The following OCA2 variants were observed in gnomAD, a reference collection of about 807,000 sequenced individuals.
OCA2 encodes the protein P protein.
OCA2 carries 77 observed loss-of-function variants against 100.2 expected under a neutral mutation model. That is an observed-to-expected ratio of 0.77 (90% CI 0.64 to 0.93). The LOEUF is 0.93. OCA2 is among the 40% of genes least tolerant of loss of function. OCA2 has a pLI of 0.00. For synonymous variants in OCA2, 432 were observed against 439.2 expected (o/e 0.98, Z 0.21); for missense variants, 1,062 against 1,089.1 (o/e 0.98, Z 0.35).
chr15:27,827,607 A>T (rs937715880), intron 23 of OCA2, among the ~76,000 whole-genome samples: 18 of 152,096 alleles, frequency 1.2e-4, no homozygotes, highest in African/African-American at 4.1e-4. Flanking sequence ...AACCATCATG[A>T]TGCTGTGGGT....
downstream of OCA2, among the ~76,000 whole-genome samples, chr15:27,754,175 C>T (rs1000156331): frequency 3.3e-5 from 5 of 152,176 alleles, no homozygotes; most frequent in Non-Finnish European, 7.3e-5. Context: ...TACGGTTGCA[C>T]GTCAGCTTTG....
chr15:28,090,223 G>T (rs2044848604), intron 1 of OCA2, among the ~76,000 whole-genome samples: 1 of 152,036 alleles, frequency 6.6e-6, no homozygotes. Context: ...AGAACTAAAA[G>T]GAGAAAGACA....
intron 23 of OCA2, among the ~76,000 whole-genome samples, chr15:27,758,559 A>T (rs1477387614): frequency 6.6e-6 from 1 of 152,264 alleles, no homozygotes; most frequent in Admixed American, 6.5e-5. Flanking sequence ...ATTTCAAAGC[A>T]GCTACCATAA....
chr15:28,043,415 T>C lies in OCA2; in HGVS notation c.228-11252A>G, dbSNP rs2043261036. 6.6e-6 allele frequency among the ~76,000 whole-genome samples: 1 copy of C among 152,142 alleles called. No individual in the cohort carries two copies. Among genetic ancestry groups the C allele is most frequent in the Admixed American group, 6.5e-5 (1 of 15,276 alleles). ...AGCTTGCTGTGAAGCTGGTGATCGC[T>C]CAATAAATCTCCAAAAATCACAATA... On this transcript the variant is annotated intron_variant, in intron 2 of 23. Coordinates refer to ENST00000354638, the MANE Select transcript of OCA2 (RefSeq NM_000275.3). This position sits in a 1 kb window ranked among gnomAD's most constrained non-coding sequence, Gnocchi z 4.4.
intron 9 of OCA2, among the ~76,000 whole-genome samples, chr15:27,999,923 T>C (rs2041874541): frequency 6.6e-6 from 1 of 152,182 alleles, no homozygotes; most frequent in Non-Finnish European, 1.5e-5. Context: ...TTTAAAGATC[T>C]GTACACTCAG....
chr15:27,806,817 C>G (rs2033872888), intron 23 of OCA2, among the ~76,000 whole-genome samples: 1 of 152,256 alleles, frequency 6.6e-6, no homozygotes, highest in Non-Finnish European at 1.5e-5. Context: ...TTAATAACAG[C>G]TGGCAGATGG....
At chr15:27,902,044 G>T (rs542941576) in intron 19 of OCA2, among the ~76,000 whole-genome samples, 1 of 152,180 alleles carries the variant, frequency 6.6e-6, no homozygotes, top group Non-Finnish European at 1.5e-5. Context: ...TAAAATGAAA[G>T]GATTTGATTA....
chr15:27,912,529 T>G lies in OCA2; in HGVS notation c.2079+13598A>C, dbSNP rs2038437847. On this transcript the variant is annotated intron_variant, in intron 19 of 23. Transcript: ENST00000354638. Reference sequence around the variant, plus strand: ...ATCTGAGCAACAAAATAAATAACAATAGTACCGACTTACAACACATAGAAT... The same window carrying G: ...ATCTGAGCAACAAAATAAATAACAAGAGTACCGACTTACAACACATAGAAT... 2.0e-5 allele frequency among the ~76,000 whole-genome samples: 3 copies of G among 151,894 alleles called. No homozygotes were observed. The South Asian group carries it at 6.2e-4, about 32-fold the overall frequency.
chr15:27,791,921 T>C (rs1034779801), intron 23 of OCA2, among the ~76,000 whole-genome samples: 4 of 152,238 alleles, frequency 2.6e-5, no homozygotes, highest in African/African-American at 9.6e-5. Flanking sequence ...TGAATGTTTC[T>C]CAAGCCCACG....
the OCA2 span, among the ~76,000 whole-genome samples, chr15:27,740,068 T>C: frequency 1.3e-5 from 2 of 152,240 alleles, no homozygotes; most frequent in African/African-American, 2.4e-5. Context: ...GATGTTGTCT[T>C]CCACTTTCCT....
chr15:27,946,620 C>T (rs1595697300), intron 18 of OCA2, among the ~76,000 whole-genome samples: 1 of 152,168 alleles, frequency 6.6e-6, no homozygotes, highest in African/African-American at 2.4e-5. Flanking sequence ...ATTTGCGAAT[C>T]GTTCATCATT....
intron 13 of OCA2, among the ~76,000 whole-genome samples, chr15:27,984,380 A>C (rs952409694): frequency 1.3e-5 from 2 of 152,222 alleles, no homozygotes; most frequent in East Asian, 1.9e-4. Context: ...AAAGTGTAGA[A>C]GGCACATCAC....
chr15:27,780,406 A>T (rs1433201077), intron 23 of OCA2, among the ~76,000 whole-genome samples: 1 of 152,152 alleles, frequency 6.6e-6, no homozygotes, highest in Non-Finnish European at 1.5e-5. Context: ...TGCCCAACAC[A>T]ATAGTGCAAG....
intron 1 of OCA2, among the ~76,000 whole-genome samples, chr15:28,094,652 CCTCT>C (rs1308456496): frequency 6.6e-6 from 1 of 152,270 alleles, no homozygotes; most frequent in African/African-American, 2.4e-5. Context: ...TACTGCCGGC[CCTCT>C]CTCCGGCTCT....
chr15:27,764,354 A>C (rs1304160427), intron 23 of OCA2, among the ~76,000 whole-genome samples: 1 of 152,136 alleles, frequency 6.6e-6, no homozygotes, highest in Non-Finnish European at 1.5e-5. Context: ...AATAACACTC[A>C]CACTGAAAGG....
intron 19 of OCA2, among the ~76,000 whole-genome samples, chr15:27,913,598 T>G (rs2703937): frequency 0.054 from 8,186 of 151,670 alleles, 760 homozygotes; most frequent in African/African-American, 0.19. Context: ...GCTAAATCCT[T>G]GTTATAAGAA....
At chr15:27,878,803 G>A (rs2036893012) in intron 19 of OCA2, among the ~76,000 whole-genome samples, 1 of 151,636 alleles carries the variant, frequency 6.6e-6, no homozygotes, top group African/African-American at 2.4e-5. Flanking sequence ...TTAATCTCTT[G>A]CTCCTCTGAA....
chr15:27,902,714 G>A (rs12442648), intron 19 of OCA2, among the ~76,000 whole-genome samples: 52,524 of 152,038 alleles, frequency 0.35, 9,484 homozygotes, highest in Middle Eastern at 0.51. Context: ...TGGAGATTTA[G>A]GAAAGGCTTT....
At chr15:27,805,043 C>T (rs2033772068) in intron 23 of OCA2, among the ~76,000 whole-genome samples, 1 of 152,212 alleles carries the variant, frequency 6.6e-6, no homozygotes, top group Non-Finnish European at 1.5e-5. Context: ...GTCATCAATG[C>T]CACCAAGAAG....
Sources: allele counts gnomAD v4.1 joint callset (sites outside exome capture counted in the v4.1 genomes callset), GRCh38; gene constraint gnomAD v4.1.1; non-coding constraint Gnocchi (gnomAD v3.1); transcripts MANE v1.5; gene names NCBI Gene and HGNC (gene_info 2026-07-23, HGNC 2026-07-21).